CFAP74: variants seen among roughly 807,000 people sequenced by gnomAD.
CFAP74 encodes the protein cilia and flagella associated protein 74.
In CFAP74, 124 loss-of-function variants were observed where a neutral mutation model predicts 188.9. The observed-to-expected ratio is 0.66, with a 90% CI of 0.57 to 0.76. The LOEUF is 0.76. Ranked by LOEUF, CFAP74 falls within the 30% of genes least tolerant of loss-of-function variation. The probability of loss-of-function intolerance (pLI) is 0.00; values close to 1 mark genes in which losing one functional copy is unlikely to be tolerated. For missense variants in CFAP74, 2,198 were observed against 2,165.2 expected (o/e 1.02, Z -0.30); for synonymous variants, 956 against 916.7 (o/e 1.04, Z -0.77).
intron 14 of CFAP74, among the ~76,000 whole-genome samples, chr1:1,960,609 G>C (rs2803292): frequency 0.6 from 91,624 of 152,210 alleles, 27,823 homozygotes; most frequent in Admixed American, 0.61. Context: ...CTGACGCCAG[G>C]CTGATTTCAC....
chr1:1,970,889 GT>G (rs1655918700), intron 9 of CFAP74, 73 bp from the exon 10 acceptor site: 1 of 1,567,544 alleles, frequency 6.4e-7, no homozygotes, highest in Non-Finnish European at 8.7e-7. Context: ...ACCTGCACAT[GT>G]GCACACACAG....
chr1:1,957,041 G>A (rs1017539310), intron 16 of CFAP74, among the ~76,000 whole-genome samples: 2 of 152,250 alleles, frequency 1.3e-5, no homozygotes, highest in African/African-American at 4.8e-5. Flanking sequence ...GTGAGAGGAC[G>A]CAGGGCCCGG....
At position 1,955,868 on chromosome 1, in the gene CFAP74, C is replaced by T. The variant is rs1198366555; in HGVS notation, c.2017-18G>A. ...AGACTGCTCTAGAGAGGAGAATCAA[C>T]ATCCTGGCTTGGGAGGTTTCCCACC... On this transcript the variant is annotated intron_variant, in intron 17 of 38. Coordinates refer to ENST00000682832, the MANE Select transcript of CFAP74 (RefSeq NM_001304360.2). 1.3e-6 allele frequency: 2 copies of T among 1,599,636 alleles called. No individual in the cohort carries two copies. Among genetic ancestry groups the T allele is most frequent in the Non-Finnish European group, 1.7e-6 (2 of 1,172,476 alleles).
intron 6 of CFAP74, among the ~76,000 whole-genome samples, chr1:1,981,068 G>T (rs376554454): frequency 1.3e-5 from 2 of 152,222 alleles, no homozygotes; most frequent in Non-Finnish European, 2.9e-5. Context: ...CGGGACCGAC[G>T]CTGGAAGCGG....
intron 14 of CFAP74, among the ~76,000 whole-genome samples, chr1:1,960,603 C>T (rs765701967): frequency 1.5e-4 from 23 of 152,242 alleles, no homozygotes; most frequent in Middle Eastern, 3.2e-3. Context: ...GAATTCCTGA[C>T]GCCAGGCTGA....
At chr1:1,996,048 G>C (rs1570999260) in intron 1 of CFAP74, among the ~76,000 whole-genome samples, 1 of 151,994 alleles carries the variant, frequency 6.6e-6, no homozygotes, top group Non-Finnish European at 1.5e-5. Context: ...GCAGAGGTAC[G>C]ATCTCGGCTC....
At position 1,922,180 on chromosome 1, in the gene CFAP74, G is replaced by GA; in HGVS notation, c.*106_*107insT. ...GTGGAGGGCGGCCTATTGGAATCTG[G>GA]CAGAGGATGGCCAGGTCCCAGGCTC... is the stretch of plus-strand genomic sequence containing the variant. On this transcript the variant is annotated 3_prime_UTR_variant, in exon 39 of 39. Coordinates refer to ENST00000682832, the MANE Select transcript of CFAP74 (RefSeq NM_001304360.2). 1 of 590,600 alleles carries GA rather than the reference G, an allele frequency of 1.7e-6. No individual in the cohort carries two copies. The allele number at this position is 590,600 out of a possible 1,614,324, so 36.6% of individuals were successfully genotyped here.
intron 38 of CFAP74, 48 bp downstream of exon 38, chr1:1,922,541 C>A (rs776785356): frequency 7.5e-6 from 12 of 1,599,488 alleles, no homozygotes; most frequent in Non-Finnish European, 8.5e-6. Context: ...GCCCACCCAG[C>A]CTTTGGCGTT....
At chr1:1,941,537 A>G (rs1468029778) in intron 22 of CFAP74, among the ~76,000 whole-genome samples, 1 of 152,224 alleles carries the variant, frequency 6.6e-6, no homozygotes, top group Non-Finnish European at 1.5e-5. Context: ...AGACACAGGT[A>G]AAGGAGCAAA....
intron 5 of CFAP74, among the ~76,000 whole-genome samples, chr1:1,986,316 G>A (rs1657233208): frequency 6.6e-6 from 1 of 152,206 alleles, no homozygotes; most frequent in Non-Finnish European, 1.5e-5. Context: ...AACCTGGAGG[G>A]GCAGAGGTTG....
At position 1,930,189 on chromosome 1, in the gene CFAP74, C is replaced by T. The variant is rs114277168; in HGVS notation, c.3159G>A (p.Pro1053=). ...VINSHLSMSS[P]THSKPRIGSE... ...AGCCAATGCGGGGCTTGGAGTGGGT[C>T]GGTGAGCTCATGCTCAGGTGAGAGT... Residue 1053 remains proline, a synonymous_variant, in exon 26 of 39, where the codon CCG becomes CCA. Transcript: ENST00000682832. 192 of 1,535,686 alleles carry T rather than the reference C, an allele frequency of 1.3e-4. 1 individual carries two copies. The African/African-American group carries it at 1.7e-3, about 14-fold the overall frequency.
intron 16 of CFAP74, among the ~76,000 whole-genome samples, chr1:1,958,535 GC>G (rs1654832862): frequency 6.6e-6 from 1 of 152,266 alleles, no homozygotes; most frequent in Non-Finnish European, 1.5e-5. Context: ...CTCGGCGGGG[GC>G]CGGGGGGACA....
intron 16 of CFAP74, 77 bp downstream of exon 16, chr1:1,959,043 C>T (rs1558027427): frequency 9.9e-7 from 1 of 1,013,382 alleles, no homozygotes; most frequent in Non-Finnish European, 1.5e-6. Flanking sequence ...CACCCCCTCC[C>T]AGGAGATGCC....
chr1:1,926,169 T>C, intron 32 of CFAP74, 59 bp downstream of exon 32: 1 of 1,459,498 alleles, frequency 6.9e-7, no homozygotes, highest in Non-Finnish European at 9.1e-7. Context: ...CCAGTGCCTT[T>C]GTTCTGCAGT....
chr1:2,001,252 TGGGAG>T (rs1337108905), intron 1 of CFAP74, among the ~76,000 whole-genome samples: 6 of 152,184 alleles, frequency 3.9e-5, no homozygotes, highest in African/African-American at 1.4e-4. Flanking sequence ...AGGCCAAGCC[TGGGAG>T]TGATGACATA....
chr1:1,991,835 C>T (rs6662056), intron 1 of CFAP74, among the ~76,000 whole-genome samples: 85,107 of 151,538 alleles, frequency 0.56, 24,163 homozygotes, highest in East Asian at 0.72. Context: ...GTCAGGAGAT[C>T]GAGACTATCC....
intron 6 of CFAP74, among the ~76,000 whole-genome samples, chr1:1,981,610 G>A (rs1250957626): frequency 3.6e-5 from 3 of 84,464 alleles, no homozygotes; most frequent in East Asian, 4.0e-4. Flanking sequence ...AGGACACACA[G>A]CCGCGGACAG....
chr1:1,985,286 G>C, intron 6 of CFAP74, 100 bp downstream of exon 6: 1 of 1,012,856 alleles, frequency 9.9e-7, no homozygotes, highest in East Asian at 2.4e-5. Context: ...TGCCGGTCAG[G>C]TGCAAAACCC....
At position 1,942,591 on chromosome 1, in the gene CFAP74, C is replaced by T. The variant is rs189713013; in HGVS notation, c.2487-435G>A. Among the ~76,000 whole-genome samples, 6 of 152,222 alleles carry T rather than the reference C, an allele frequency of 3.9e-5. No homozygotes were observed. Among genetic ancestry groups the T allele is most frequent in the Admixed American group, 2.0e-4 (3 of 15,298 alleles). Reference sequence around the variant, plus strand: ...CACAGGGCACGTGGGGGGCCTGGGACGGCCACAGGCCTCGGTTATGACAGC... The same window carrying T: ...CACAGGGCACGTGGGGGGCCTGGGATGGCCACAGGCCTCGGTTATGACAGC... On this transcript the variant is annotated intron_variant, in intron 21 of 38. Transcript: ENST00000682832. This position sits in a 1 kb window ranked among gnomAD's most constrained non-coding sequence, Gnocchi z 4.3.
Sources: allele counts gnomAD v4.1 joint callset (sites outside exome capture counted in the v4.1 genomes callset), GRCh38; gene constraint gnomAD v4.1.1; non-coding constraint Gnocchi (gnomAD v3.1); transcripts MANE v1.5; gene names NCBI Gene and HGNC (gene_info 2026-07-23, HGNC 2026-07-21).